Variants in VWF observed in about 807,000 individuals in gnomAD.
VWF encodes the protein Factor VIII related antigen.
VWF carries 176 observed loss-of-function variants against 308.6 expected under a neutral mutation model. The observed-to-expected ratio is 0.57, with a 90% CI of 0.50 to 0.65. The LOEUF (loss-of-function observed/expected upper bound fraction) is 0.65. Ranked by LOEUF, VWF falls within the 30% of genes least tolerant of loss-of-function variation. VWF has a pLI of 0.00. For missense variants in VWF, 3,146 were observed against 3,648.2 expected, an observed-to-expected ratio of 0.86 and a Z score of 3.55; for synonymous variants, 1,385 against 1,443.4, an observed-to-expected ratio of 0.96 and a Z score of 0.92.
At chr12:5,984,029 C>T (rs1197467613) in intron 40 of VWF, among the ~76,000 whole-genome samples, 3 of 141,062 alleles carry the variant, frequency 2.1e-5, no homozygotes, top group Admixed American at 7.0e-5. Flanking sequence ...GACAGACAGA[C>T]AGACAGACAG....
chr12:6,093,438 A>G (rs56225418), intron 6 of VWF, among the ~76,000 whole-genome samples: 17,842 of 152,166 alleles, frequency 0.12, 1,526 homozygotes, highest in African/African-American at 0.24. Context: ...CTGAAGCTCT[A>G]TCAGTGCTAT....
chr12:5,984,446 C>T (rs1438355792), intron 40 of VWF, among the ~76,000 whole-genome samples: 1 of 152,254 alleles, frequency 6.6e-6, no homozygotes, highest in Non-Finnish European at 1.5e-5. Context: ...TCTATCTGCT[C>T]TCCCTTCAAT....
At chr12:5,975,017 C>T (rs1943517807) in intron 43 of VWF, among the ~76,000 whole-genome samples, 1 of 152,238 alleles carries the variant, frequency 6.6e-6, no homozygotes, top group South Asian at 2.1e-4. Flanking sequence ...ATTTCCCTGG[C>T]CTCAGATGGC....
At chr12:5,972,867 T>A (rs1420141233) in intron 43 of VWF, among the ~76,000 whole-genome samples, 1 of 151,830 alleles carries the variant, frequency 6.6e-6, no homozygotes, top group African/African-American at 2.4e-5. Context: ...AAAAACAAGG[T>A]CTCAGGGGGT....
At position 6,044,274 on chromosome 12, in the gene VWF, TG is replaced by T; in HGVS notation, c.2442+16del. On this transcript the variant is annotated intron_variant, in intron 18 of 51. Coordinates refer to ENST00000261405, the MANE Select transcript of VWF (RefSeq NM_000552.5). ...AAAACTGAAGGGCAGGCACCAGCTC[TG>T]TGCCTGGTGACTCACCATGCCCGGG... 12 of 1,613,832 alleles carry T rather than the reference TG, an allele frequency of 7.4e-6. No individual in the cohort carries two copies. Among genetic ancestry groups the T allele is most frequent in the Non-Finnish European group, 1.0e-5 (12 of 1,179,904 alleles).
intron 6 of VWF, among the ~76,000 whole-genome samples, chr12:6,079,527 A>G (rs1029996283): frequency 5.3e-5 from 8 of 151,932 alleles, no homozygotes; most frequent in East Asian, 1.9e-4. Context: ...GGAGAATGGC[A>G]TGAAGCCGGG....
chr12:6,112,617 T>C (rs978145271), intron 3 of VWF, among the ~76,000 whole-genome samples: 1 of 151,548 alleles, frequency 6.6e-6, no homozygotes, highest in Admixed American at 6.6e-5. Context: ...GATAGGGGAG[T>C]GTGGGCTTCT....
chr12:6,115,837 A>G (rs1010679524), intron 3 of VWF, among the ~76,000 whole-genome samples: 3 of 152,184 alleles, frequency 2.0e-5, no homozygotes, highest in Non-Finnish European at 4.4e-5. Context: ...GTCTCCAGAC[A>G]CTGCAAAATG....
intron 13 of VWF, among the ~76,000 whole-genome samples, chr12:6,059,185 T>A (rs1391916587): frequency 5.3e-5 from 8 of 152,192 alleles, no homozygotes. Flanking sequence ...CCAAATGTTG[T>A]CACATTAGGC....
intron 20 of VWF, among the ~76,000 whole-genome samples, chr12:6,032,259 C>T (rs755407355): frequency 2.6e-5 from 4 of 151,242 alleles, no homozygotes; most frequent in Admixed American, 2.6e-4. Flanking sequence ...ACCCGGGAGG[C>T]GGAGGCTGCA....
rs1944622825 is a variant in VWF, at chr12:6,058,711, GGCAGCCTGCCAGGGTGACAGCAGCAAA to G, written c.1534-694_1534-668del. 6.6e-6 allele frequency among the ~76,000 whole-genome samples: 1 copy of G among 152,192 alleles called. No individual in the cohort carries two copies. Among genetic ancestry groups the G allele is most frequent in the Admixed American group, 6.5e-5 (1 of 15,278 alleles). ...GAGTAGGAGTCTGCAGAGGCTCTGA[GGCAGCCTGCCAGGGTGACAGCAGCAAA>G]GCAGCGGCACAGTTCAAACTCCAGG... On this transcript the variant is annotated intron_variant, in intron 13 of 51. Coordinates refer to ENST00000261405, the MANE Select transcript of VWF (RefSeq NM_000552.5). The surrounding 1 kb of genome is among the most constrained non-coding windows in gnomAD (Gnocchi z 4.9).
Position 6,105,531 on chromosome 12 carries a change from C to T in VWF, c.532+4843G>A, listed in dbSNP as rs532252186. On this transcript the variant is annotated intron_variant, in intron 5 of 51. Transcript: ENST00000261405. ...GATTACAGGCGTGGGCCACCACGCCCGGCCTTATACAAATTTTTAAAAAGA... is the reference window on the plus strand; with the variant it reads ...GATTACAGGCGTGGGCCACCACGCCTGGCCTTATACAAATTTTTAAAAAGA... Among the ~76,000 whole-genome samples, 11 of 152,038 alleles carry T rather than the reference C, an allele frequency of 7.2e-5. 1 individual carries two copies. The South Asian group carries it at 1.5e-3, about 20-fold the overall frequency.
chr12:6,018,297 G>C (rs1944084836), intron 28 of VWF, 68 bp downstream of exon 28: 2 of 1,545,122 alleles, frequency 1.3e-6, no homozygotes, highest in South Asian at 2.3e-5. Flanking sequence ...CTTGGCAGAT[G>C]CATGTAGCAC....
intron 47 of VWF, among the ~76,000 whole-genome samples, chr12:5,966,853 G>A (rs1466290877): frequency 6.6e-6 from 1 of 152,260 alleles, no homozygotes; most frequent in African/African-American, 2.4e-5. Flanking sequence ...GCCCTGCCCT[G>A]CCGCCATGGG....
intron 31 of VWF, among the ~76,000 whole-genome samples, chr12:6,015,241 C>A (rs529968475): frequency 2.6e-5 from 4 of 152,282 alleles, no homozygotes; most frequent in African/African-American, 9.6e-5. Context: ...CAAGATCTTC[C>A]CTTGCCTTCA....
rs771209761 is a variant in VWF, at chr12:5,976,112, G to T, written c.7436C>A (p.Ser2479Ter). 6.2e-7 allele frequency: 1 copy of T among 1,613,624 alleles called. No individual in the cohort carries two copies. The highest frequency in any genetic ancestry group is 1.1e-5 in the South Asian group (1 of 91,050). ...ATGCCCAGCCCCTGCCCCACTCACC[G>T]ACCGACAGCTGTCCTCACAGGGCTT... ...SQKPCEDSCR[S>*]GFTYVLHEGE... The change falls in exon 43 of 52, where the codon TCG becomes TAG. Residue 2479 changes from serine (S) to a stop codon, truncating the protein, a stop_gained and splice_region_variant. Coordinates refer to ENST00000261405, the MANE Select transcript of VWF (RefSeq NM_000552.5). LOFTEE classifies it high-confidence loss of function.
chr12:6,032,360 C>G (rs1192234041), intron 20 of VWF, among the ~76,000 whole-genome samples: 1 of 148,726 alleles, frequency 6.7e-6, no homozygotes, highest in African/African-American at 2.5e-5. Flanking sequence ...AAAAAAGAGG[C>G]CGGGCATGGT....
intron 36 of VWF, 81 bp from the exon 37 acceptor site, chr12:5,994,284 T>A: frequency 6.3e-7 from 1 of 1,596,800 alleles, no homozygotes; most frequent in Admixed American, 1.7e-5. Context: ...CAGGCCATTC[T>A]TGATCCTCAC....
chr12:6,007,893 G>T (rs1328276676), intron 34 of VWF, among the ~76,000 whole-genome samples: 1 of 152,040 alleles, frequency 6.6e-6, no homozygotes, highest in Non-Finnish European at 1.5e-5. Flanking sequence ...AAATAAAAAG[G>T]TTAGTAAGAG....
Sources: gnomAD v4.1 joint callset for allele counts (sites outside exome capture counted in the v4.1 genomes callset) on GRCh38, gnomAD v4.1.1 for gene constraint, Gnocchi (gnomAD v3.1) non-coding constraint, MANE v1.5 for transcripts, NCBI Gene and HGNC (gene_info 2026-07-23, HGNC 2026-07-21) for gene names.